Variants in STXBP5L observed in about 807,000 individuals in gnomAD.
STXBP5L encodes the protein syntaxin-binding protein 5-like.
Under a neutral mutation model 144.5 loss-of-function variants are expected in STXBP5L, and 65 were observed. The observed-to-expected ratio is 0.45, with a 90% confidence interval of 0.37 to 0.55. STXBP5L has a LOEUF of 0.55. Among genes scored for constraint, STXBP5L ranks in the 20% least tolerant of loss-of-function variants. The pLI is 0.00. For missense variants in STXBP5L, 1,298 were observed against 1,405.5 expected (o/e 0.92, Z 1.22); for synonymous variants, 505 against 469.6 (o/e 1.08, Z -0.97).
At chr3:121,241,823 T>C (rs1166201430) in intron 14 of STXBP5L, among the ~76,000 whole-genome samples, 5 of 152,044 alleles carry the variant, frequency 3.3e-5, no homozygotes, top group Non-Finnish European at 5.9e-5. Context: ...AATAAATCTA[T>C]ACCAAGATAA....
chr3:121,093,461 G>A (rs1282713530), intron 5 of STXBP5L, among the ~76,000 whole-genome samples: 3 of 152,162 alleles, frequency 2.0e-5, no homozygotes, highest in Non-Finnish European at 4.4e-5. Context: ...CCTGTTATTG[G>A]TCTATTCAGA....
intron 11 of STXBP5L, among the ~76,000 whole-genome samples, chr3:121,229,709 C>T (rs758399964): frequency 2.6e-4 from 40 of 152,162 alleles, no homozygotes; most frequent in Admixed American, 2.4e-3. Context: ...GTGTATGTCA[C>T]CATACCTGGC....
At chr3:121,361,330 T>G (rs911159465) in intron 20 of STXBP5L, among the ~76,000 whole-genome samples, 1 of 152,206 alleles carries the variant, frequency 6.6e-6, no homozygotes, top group African/African-American at 2.4e-5. Flanking sequence ...ATTAATATCT[T>G]TCTCTAGGTT....
chr3:121,130,537 C>T (rs1322286940), intron 7 of STXBP5L, among the ~76,000 whole-genome samples: 1 of 152,000 alleles, frequency 6.6e-6, no homozygotes, highest in African/African-American at 2.4e-5. Context: ...ATACCTAAAA[C>T]CAATTGACAG....
At chr3:121,021,769 C>T (rs1423302500) in intron 3 of STXBP5L, among the ~76,000 whole-genome samples, 1 of 152,066 alleles carries the variant, frequency 6.6e-6, no homozygotes, top group Non-Finnish European at 1.5e-5. Context: ...AAAGCTGATG[C>T]TAAGAGGAAA....
At chr3:121,225,057 A>G (rs975286556) in intron 11 of STXBP5L, among the ~76,000 whole-genome samples, 1 of 152,086 alleles carries the variant, frequency 6.6e-6, no homozygotes, top group Non-Finnish European at 1.5e-5. Flanking sequence ...TTTTTTAGCA[A>G]TGTGGTAATG....
At chr3:121,034,446 T>C (rs371894318) in intron 3 of STXBP5L, among the ~76,000 whole-genome samples, 10 of 152,262 alleles carry the variant, frequency 6.6e-5, no homozygotes, top group African/African-American at 2.2e-4. Context: ...TTTATGTTGC[T>C]GCAAAAGATA....
intron 5 of STXBP5L, among the ~76,000 whole-genome samples, chr3:121,066,875 A>G (rs1019546290): frequency 1.3e-5 from 2 of 152,096 alleles, no homozygotes; most frequent in African/African-American, 2.4e-5. Flanking sequence ...TAAATGACAT[A>G]TTATATTTCC....
intron 19 of STXBP5L, among the ~76,000 whole-genome samples, chr3:121,308,148 A>G (rs1029575494): frequency 9.2e-5 from 14 of 152,204 alleles, no homozygotes; most frequent in African/African-American, 3.1e-4. Context: ...TAACTAATGC[A>G]TGTGGGGCTT....
intron 3 of STXBP5L, among the ~76,000 whole-genome samples, chr3:121,023,072 G>A (rs1033941643): frequency 1.3e-5 from 2 of 151,948 alleles, no homozygotes; most frequent in African/African-American, 2.4e-5. Context: ...CAAAAATAAT[G>A]CACACAAATC....
chr3:121,378,965 G>T, intron 21 of STXBP5L, 79 bp downstream of exon 21: 1 of 1,381,264 alleles, frequency 7.2e-7, no homozygotes, highest in Non-Finnish European at 9.9e-7. Flanking sequence ...ATATGGGATG[G>T]AGATCACATA....
At chr3:121,357,844 A>G (rs1351914170) in intron 20 of STXBP5L, 1 of 152,240 alleles carries the variant, frequency 6.6e-6, no homozygotes, top group African/African-American at 2.4e-5. Flanking sequence ...CACGCATACA[A>G]AAGAGCCACA....
chr3:121,326,591 T>C (rs537544613), intron 20 of STXBP5L, among the ~76,000 whole-genome samples: 1 of 152,204 alleles, frequency 6.6e-6, no homozygotes, highest in East Asian at 1.9e-4. Flanking sequence ...ACCATACAGG[T>C]GGTATCTTCT....
At chr3:121,331,707 A>G (rs1248242980) in intron 20 of STXBP5L, among the ~76,000 whole-genome samples, 1 of 152,190 alleles carries the variant, frequency 6.6e-6, no homozygotes, top group Non-Finnish European at 1.5e-5. Context: ...TGGGTATTGC[A>G]TCTACCCACA....
chr3:120,968,719 G>A (rs537301821), intron 3 of STXBP5L, among the ~76,000 whole-genome samples: 3 of 152,046 alleles, frequency 2.0e-5, no homozygotes, highest in South Asian at 2.1e-4. Flanking sequence ...TCCCTCCCCC[G>A]TTCTGAGTAT....
intron 9 of STXBP5L, among the ~76,000 whole-genome samples, chr3:121,176,176 C>T (rs973629975): frequency 3.9e-5 from 6 of 151,908 alleles, no homozygotes; most frequent in African/African-American, 1.2e-4. Flanking sequence ...ATATTGGTAG[C>T]CTGAACCCTA....
chr3:120,926,690 T>C (rs1195659955), intron 2 of STXBP5L, among the ~76,000 whole-genome samples: 1 of 152,150 alleles, frequency 6.6e-6, no homozygotes, highest in Admixed American at 6.5e-5. Context: ...GATTTGGTCT[T>C]TTGAGGTAAT....
intron 10 of STXBP5L, among the ~76,000 whole-genome samples, chr3:121,213,097 AAGG>A (rs1166351461): frequency 1.3e-5 from 2 of 152,198 alleles, no homozygotes; most frequent in Middle Eastern, 3.2e-3. Flanking sequence ...TTATCAGCTT[AAGG>A]AGATTTTGGG....
At chr3:121,324,960 C>T (rs1046434032) in intron 20 of STXBP5L, among the ~76,000 whole-genome samples, 1 of 151,824 alleles carries the variant, frequency 6.6e-6, no homozygotes, top group East Asian at 1.9e-4. Flanking sequence ...TTTTTATATT[C>T]TCTGTAATTC....
Sources: allele counts gnomAD v4.1 joint callset (sites outside exome capture counted in the v4.1 genomes callset), GRCh38; gene constraint gnomAD v4.1.1; transcripts MANE v1.5; gene names NCBI Gene and HGNC (gene_info 2026-07-23, HGNC 2026-07-21).